Variants in CYP39A1 observed in about 807,000 individuals in gnomAD.
CYP39A1 encodes 24-hydroxycholesterol 7-alpha-hydroxylase.
Under a neutral mutation model 58.1 loss-of-function variants are expected in CYP39A1, and 49 were observed. The ratio of observed to expected loss-of-function variants is 0.84; its 90% CI spans 0.67 to 1.07. CYP39A1 has a LOEUF of 1.07. Among genes scored for constraint, CYP39A1 ranks in the 50% least tolerant of loss-of-function variants. CYP39A1 has a pLI of 0.00. For synonymous variants in CYP39A1, 209 were observed against 187.6 expected, an observed-to-expected ratio of 1.11 and a Z score of -0.93; for missense variants, 531 against 539.4, an observed-to-expected ratio of 0.98 and a Z score of 0.16.
intron 7 of CYP39A1, among the ~76,000 whole-genome samples, chr6:46,620,339 C>A (rs1002481328): frequency 5.3e-5 from 8 of 152,146 alleles, no homozygotes; most frequent in African/African-American, 1.7e-4. Flanking sequence ...TCCTAGAAGA[C>A]CTTACTTGCA....
chr6:46,641,933 T>C (rs952230210), intron 2 of CYP39A1, among the ~76,000 whole-genome samples: 13 of 152,226 alleles, frequency 8.5e-5, no homozygotes, highest in African/African-American at 3.1e-4. Flanking sequence ...GGTAACCTTA[T>C]CACTTTCACG....
chr6:46,645,349 G>A (rs1046073722), intron 1 of CYP39A1, among the ~76,000 whole-genome samples: 2 of 152,236 alleles, frequency 1.3e-5, no homozygotes, highest in Admixed American at 1.3e-4. Context: ...CATGTTTTGT[G>A]TGTGTTGGGG....
rs144461560 is a variant in CYP39A1, at chr6:46,570,944, G to A, written c.1250+16133C>T. On this transcript the variant is annotated intron_variant, in intron 10 of 11. Coordinates refer to ENST00000275016, the MANE Select transcript of CYP39A1 (RefSeq NM_016593.5). ...ATCAGATATGTTTCCATTTTTACTT[G>A]TCTCAAAATGTAAACAAAGTATTAT... 1.7e-3 allele frequency among the ~76,000 whole-genome samples: 256 copies of A among 152,160 alleles called. 1 individual carries two copies. Among genetic ancestry groups the A allele is most frequent in the African/African-American group, 5.9e-3 (243 of 41,514 alleles).
chr6:46,641,612 T>C (rs940723544), intron 2 of CYP39A1, among the ~76,000 whole-genome samples: 20 of 152,104 alleles, frequency 1.3e-4, no homozygotes, highest in Admixed American at 1.1e-3. Context: ...TAGGAAGAAA[T>C]GAAGGCAGAC....
chr6:46,616,167 CTTTCTTTCT>C (rs1774552820), intron 7 of CYP39A1, among the ~76,000 whole-genome samples: 1 of 27,108 alleles, frequency 3.7e-5, no homozygotes, highest in African/African-American at 1.7e-4. Context: ...TTTCTTTTTT[CTTTCTTTCT>C]TTCTTTCTTT....
chr6:46,568,821 G>A (rs1334098708), intron 10 of CYP39A1, among the ~76,000 whole-genome samples: 1 of 152,022 alleles, frequency 6.6e-6, no homozygotes, highest in Non-Finnish European at 1.5e-5. Flanking sequence ...ATCAGAAAAT[G>A]AGAGTCCTCC....
chr6:46,590,641 A>G (rs890256008), intron 8 of CYP39A1, among the ~76,000 whole-genome samples: 4 of 152,212 alleles, frequency 2.6e-5, no homozygotes, highest in African/African-American at 9.6e-5. Context: ...AATTCTGAAA[A>G]GCAGAAAAAC....
rs1023235281 is a variant in CYP39A1 at position 46,597,684 on chromosome 6, C to A, written c.932-1564G>T. 2.0e-5 allele frequency among the ~76,000 whole-genome samples: 3 copies of A among 151,920 alleles called. No individual in the cohort carries two copies. In the South Asian group the frequency reaches 6.2e-4, roughly 32 times the overall value. ...AAAATGGCAATGGGTCCAGTTTGCC[C>A]AGAAGGTGAGACATATGTGATGGAA... On this transcript the variant is annotated intron_variant, in intron 7 of 11. Coordinates refer to ENST00000275016, the MANE Select transcript of CYP39A1 (RefSeq NM_016593.5).
intron 7 of CYP39A1, among the ~76,000 whole-genome samples, chr6:46,607,913 G>A (rs1266925699): frequency 6.6e-6 from 1 of 152,108 alleles, no homozygotes; most frequent in Non-Finnish European, 1.5e-5. Context: ...CCTTCTCAGA[G>A]GCTGCCTTTC....
At chr6:46,631,118 A>G (rs753039270) in intron 5 of CYP39A1, 48 bp from the exon 6 acceptor site, 1 of 1,313,974 alleles carries the variant, frequency 7.6e-7, no homozygotes, top group Non-Finnish European at 1.1e-6. Context: ...TGTGACAAAT[A>G]TCGATGTTAA....
chr6:46,595,110 G>T (rs1773068848), intron 8 of CYP39A1, among the ~76,000 whole-genome samples: 1 of 151,870 alleles, frequency 6.6e-6, no homozygotes, highest in Non-Finnish European at 1.5e-5. Context: ...AAAACACAAG[G>T]ATCTATCACC....
chr6:46,583,604 T>C (rs1772281740), intron 10 of CYP39A1: 1 of 985,126 alleles, frequency 1.0e-6, no homozygotes, highest in Non-Finnish European at 1.2e-6. Flanking sequence ...AAAACAGAAA[T>C]AAATCACCAG....
intron 11 of CYP39A1, among the ~76,000 whole-genome samples, chr6:46,551,637 T>G (rs554473006): frequency 5.1e-4 from 78 of 152,146 alleles, no homozygotes; most frequent in Non-Finnish European, 9.6e-4. Context: ...TGTTGCAAAA[T>G]TAAAATTGGA....
chr6:46,621,383 T>C (rs1774944776), intron 7 of CYP39A1, among the ~76,000 whole-genome samples: 1 of 151,856 alleles, frequency 6.6e-6, no homozygotes, highest in African/African-American at 2.4e-5. Context: ...ATAAACAAAA[T>C]TAAAAAGTGA....
At chr6:46,595,856 G>T in intron 8 of CYP39A1, 131 bp downstream of exon 8, 1 of 911,566 alleles carries the variant, frequency 1.1e-6, no homozygotes, top group South Asian at 1.7e-5. Context: ...TGTTGTACAA[G>T]ACAAATATAT....
At chr6:46,600,147 G>C (rs1208159305) in intron 7 of CYP39A1, among the ~76,000 whole-genome samples, 1 of 149,116 alleles carries the variant, frequency 6.7e-6, no homozygotes, top group Admixed American at 6.7e-5. Context: ...TCTTTTTTTT[G>C]ACATGGAGAC....
At chr6:46,551,045 A>C (rs2150473704) in intron 11 of CYP39A1, among the ~76,000 whole-genome samples, 1 of 152,112 alleles carries the variant, frequency 6.6e-6, no homozygotes, top group East Asian at 1.9e-4. Context: ...ATACAAAGAG[A>C]TATTTGAGGT....
chr6:46,633,637 T>C (rs1467916165), intron 5 of CYP39A1, among the ~76,000 whole-genome samples: 1 of 152,122 alleles, frequency 6.6e-6, no homozygotes, highest in East Asian at 1.9e-4. Flanking sequence ...GGCAGGTGGG[T>C]CACGAGGTCA....
At chr6:46,587,464 C>T (rs190708664) in intron 9 of CYP39A1, among the ~76,000 whole-genome samples, 3 of 152,212 alleles carry the variant, frequency 2.0e-5, no homozygotes, top group Admixed American at 1.3e-4. Context: ...TCTCAGGCTC[C>T]GTCATAAAAT....
Sources: gnomAD v4.1 joint callset for allele counts (sites outside exome capture counted in the v4.1 genomes callset) on GRCh38, gnomAD v4.1.1 for gene constraint, MANE v1.5 for transcripts, NCBI Gene and HGNC (gene_info 2026-07-23, HGNC 2026-07-21) for gene names.